Variants in PARP8 observed in about 807,000 individuals in gnomAD.
The protein encoded by PARP8 is protein mono-ADP-ribosyltransferase PARP8.
In PARP8, 51 loss-of-function variants were observed where a neutral mutation model predicts 124.1. That is an observed-to-expected ratio of 0.41 (90% CI 0.33 to 0.52). The LOEUF (loss-of-function observed/expected upper bound fraction) is 0.52. Among genes scored for constraint, PARP8 ranks in the 20% least tolerant of loss-of-function variants. The probability of loss-of-function intolerance (pLI) is 0.21; values close to 1 mark genes in which losing one functional copy is unlikely to be tolerated. For missense variants in PARP8, 860 were observed against 1,018.9 expected (o/e 0.84, Z 2.12); for synonymous variants, 391 against 361.5 (o/e 1.08, Z -0.93).
At position 50,824,342 on chromosome 5, in the gene PARP8, G is replaced by A. The variant is rs139865275; in HGVS notation, c.1861-566G>A. 8.4e-3 allele frequency among the ~76,000 whole-genome samples: 1,275 copies of A among 152,278 alleles called. 15 individuals are homozygous for A. The highest frequency in any genetic ancestry group is 0.013 in the Non-Finnish European group (878 of 68,024). ...CAGATTTATTCAGAGCACTGCAGTG[G>A]GGGAGAGAGACTGCAGCATAAACTG... On this transcript the variant is annotated intron_variant, in intron 17 of 25. Coordinates refer to ENST00000281631, the MANE Select transcript of PARP8 (RefSeq NM_024615.4).
intron 14 of PARP8, among the ~76,000 whole-genome samples, chr5:50,797,841 T>G (rs1742734162): frequency 1.3e-5 from 2 of 152,258 alleles, no homozygotes; most frequent in Admixed American, 6.5e-5. Flanking sequence ...AGTCACTACT[T>G]AAAGTATACA....
At chr5:50,777,875 T>C (rs576565776) in intron 7 of PARP8, among the ~76,000 whole-genome samples, 194 bp from the exon 8 acceptor site, 51 of 152,314 alleles carry the variant, frequency 3.3e-4, no homozygotes, top group South Asian at 2.3e-3. Flanking sequence ...TAGAAAGATA[T>C]CAATGTGGTA....
chr5:50,738,356 A>G lies in PARP8; in HGVS notation c.147-11795A>G, dbSNP rs559832337. ...ATGTATAAATGTCTAATTTATTACA[A>G]TTGTTTTTAGATCATGACCTAAAAT... On this transcript the variant is annotated intron_variant, in intron 2 of 25. Coordinates refer to ENST00000281631, the MANE Select transcript of PARP8 (RefSeq NM_024615.4). Among the ~76,000 whole-genome samples the G allele has an allele frequency of 7.9e-5, 12 of 152,324 alleles. No homozygotes were observed. In the East Asian group the frequency reaches 9.6e-4, roughly 12 times the overall value.
At chr5:50,766,341 T>G (rs1761058839) in intron 7 of PARP8, among the ~76,000 whole-genome samples, 1 of 152,170 alleles carries the variant, frequency 6.6e-6, no homozygotes, top group Admixed American at 6.5e-5. Context: ...CTTGAATCAT[T>G]CAACAAAACG....
At chr5:50,706,464 G>A (rs997604934) in intron 2 of PARP8, among the ~76,000 whole-genome samples, 1 of 151,892 alleles carries the variant, frequency 6.6e-6, no homozygotes, top group Non-Finnish European at 1.5e-5. Flanking sequence ...CCTTTTGATG[G>A]TAAACTTCTT....
At chr5:50,741,102 G>A (rs576779650) in intron 2 of PARP8, among the ~76,000 whole-genome samples, 1 of 152,226 alleles carries the variant, frequency 6.6e-6, no homozygotes, top group African/African-American at 2.4e-5. Context: ...ATATAAAACA[G>A]TGAAGGTAAA....
At chr5:50,800,848 C>T (rs1352650523) in intron 14 of PARP8, among the ~76,000 whole-genome samples, 9 of 150,536 alleles carry the variant, frequency 6.0e-5, no homozygotes, top group African/African-American at 2.2e-4. Context: ...CCTCAACCTT[C>T]TGGGCTTAAG....
chr5:50,838,369 A>G (rs1317578402), intron 25 of PARP8, among the ~76,000 whole-genome samples: 2 of 152,058 alleles, frequency 1.3e-5, no homozygotes, highest in African/African-American at 4.8e-5. Flanking sequence ...TCAAAAGGTC[A>G]TTAGTTCTCC....
chr5:50,684,786 G>A (rs891131904), intron 2 of PARP8, among the ~76,000 whole-genome samples: 3 of 152,142 alleles, frequency 2.0e-5, no homozygotes, highest in Non-Finnish European at 4.4e-5. Flanking sequence ...GTCACAGATG[G>A]TATATATTTG....
Position 50,795,267 on chromosome 5 carries a change from C to T in PARP8, c.1278C>T (p.His426=). The change falls in exon 12 of 26, where the codon CAC becomes CAT. Residue 426 remains histidine (H), a synonymous_variant. Transcript: ENST00000281631. ...RMEELYGLKN[H]KLLSKSYSSA... Reference sequence around the variant, plus strand: ...AAGAATTATATGGACTGAAAAATCACAAATTGCTCAGCAAGTCCTACTCCA... The same window carrying T: ...AAGAATTATATGGACTGAAAAATCATAAATTGCTCAGCAAGTCCTACTCCA... The T allele has an allele frequency of 6.2e-7, 1 of 1,614,164 alleles. No homozygotes were observed. Among genetic ancestry groups the T allele is most frequent in the Non-Finnish European group, 8.5e-7 (1 of 1,180,032 alleles).
intron 2 of PARP8, among the ~76,000 whole-genome samples, chr5:50,727,636 A>T (rs1222419130): frequency 5.3e-5 from 8 of 152,290 alleles, no homozygotes; most frequent in African/African-American, 1.9e-4. Context: ...AAATATAATA[A>T]CCACTAAAGG....
At chr5:50,708,923 A>T (rs1754438634) in intron 2 of PARP8, among the ~76,000 whole-genome samples, 2 of 151,944 alleles carry the variant, frequency 1.3e-5, no homozygotes, top group African/African-American at 2.4e-5. Context: ...CCAGGACTAC[A>T]GGCACTTGCC....
chr5:50,667,202 TCCAGAACCTCGGAC>T lies in PARP8; in HGVS notation c.91+21_91+34del. On this transcript the variant is annotated intron_variant, in intron 1 of 25. Coordinates refer to ENST00000281631, the MANE Select transcript of PARP8 (RefSeq NM_024615.4). ...CTGTTTGCAGGTGAGTTCTTGCTTTTCCAGAACCTCGGACCCAGCGCCCCCTTCCCAGTTTTCTG... is the reference window on the plus strand; with the variant it reads ...CTGTTTGCAGGTGAGTTCTTGCTTTTCCAGCGCCCCCTTCCCAGTTTTCTG... The T allele has an allele frequency of 6.3e-7, 1 of 1,596,022 alleles. No homozygotes were observed.
At chr5:50,803,300 C>A (rs1743443416) in intron 14 of PARP8, among the ~76,000 whole-genome samples, 1 of 152,104 alleles carries the variant, frequency 6.6e-6, no homozygotes, top group South Asian at 2.1e-4. Context: ...TTTGATGTGT[C>A]TAAGTGCCTC....
intron 2 of PARP8, among the ~76,000 whole-genome samples, chr5:50,685,273 T>A (rs1751734892): frequency 6.6e-6 from 1 of 152,206 alleles, no homozygotes; most frequent in Admixed American, 6.5e-5. Context: ...TTTTCTTGCT[T>A]ATTTAACTGT....
intron 14 of PARP8, among the ~76,000 whole-genome samples, chr5:50,807,472 T>C (rs1743983492): frequency 6.6e-6 from 1 of 152,110 alleles, no homozygotes; most frequent in South Asian, 2.1e-4. Flanking sequence ...GTTCTCTCCA[T>C]TGTGGAATCA....
chr5:50,810,052 C>T (rs1282085938), intron 14 of PARP8, among the ~76,000 whole-genome samples: 2 of 151,888 alleles, frequency 1.3e-5, no homozygotes, highest in South Asian at 2.1e-4. Flanking sequence ...ATTCAAATAA[C>T]GTTAAAAATG....
rs1384869662 is a variant in PARP8, at chr5:50,833,996, G to A, written c.2325G>A (p.Gln775=). ...GAATTTAGTCACAGAAAAAAGGACAGCAATCCCAATTCCTGCAAAGCCGTA... is the reference window on the plus strand; with the variant it reads ...GAATTTAGTCACAGAAAAAAGGACAACAATCCCAATTCCTGCAAAGCCGTA... ...SNTSQSQKKG[Q]QSQFLQSRNL... is the part of the protein sequence containing the mutation. Residue 775 remains glutamine, a synonymous_variant, in exon 24 of 26, where the codon CAG becomes CAA. Transcript: ENST00000281631. The A allele has an allele frequency of 3.1e-6, 5 of 1,611,954 alleles. No homozygotes were observed. The highest frequency in any genetic ancestry group is 1.7e-5 in the Admixed American group (1 of 59,892).
intron 25 of PARP8, among the ~76,000 whole-genome samples, chr5:50,835,941 T>G (rs1747534011): frequency 6.6e-6 from 1 of 152,212 alleles, no homozygotes; most frequent in Admixed American, 6.5e-5. Flanking sequence ...CAGAAAGGAT[T>G]TCAGGGAAGA....
Sources: allele counts gnomAD v4.1 joint callset (sites outside exome capture counted in the v4.1 genomes callset), GRCh38; gene constraint gnomAD v4.1.1; transcripts MANE v1.5; gene names NCBI Gene and HGNC (gene_info 2026-07-23, HGNC 2026-07-21).